The following CDH9 variants were observed in gnomAD, a reference collection of about 807,000 sequenced individuals.
CDH9 encodes the protein cadherin 9.
In CDH9, 28 loss-of-function variants were observed where a neutral mutation model predicts 70.9. The ratio of observed to expected loss-of-function variants is 0.40; its 90% confidence interval spans 0.29 to 0.54. The LOEUF (loss-of-function observed/expected upper bound fraction) is 0.54. Ranked by LOEUF, CDH9 falls within the 20% of genes least tolerant of loss-of-function variation. The pLI, the probability that CDH9 is intolerant of heterozygous loss-of-function variation, is 0.59. For synonymous variants in CDH9, 409 were observed against 343.1 expected, an observed-to-expected ratio of 1.19 and a Z score of -2.12; for missense variants, 874 against 984.4, an observed-to-expected ratio of 0.89 and a Z score of 1.50.
intron 2 of CDH9, among the ~76,000 whole-genome samples, chr5:26,930,253 G>C (rs1741418893): frequency 6.6e-6 from 1 of 151,826 alleles, no homozygotes; most frequent in African/African-American, 2.4e-5. Flanking sequence ...TTGGATGTTG[G>C]TTTCATCTTT....
chr5:26,905,890 G>A, intron 5 of CDH9, 69 bp downstream of exon 5: 2 of 1,148,806 alleles, frequency 1.7e-6, no homozygotes, highest in South Asian at 2.6e-5. Context: ...TATGAAATGT[G>A]AATATTAAAC....
chr5:27,006,573 T>A (rs145654255), intron 1 of CDH9, among the ~76,000 whole-genome samples: 1 of 152,254 alleles, frequency 6.6e-6, no homozygotes, highest in African/African-American at 2.4e-5. Flanking sequence ...CGGTGTTTCT[T>A]CAGGGCCAGG....
intron 2 of CDH9, among the ~76,000 whole-genome samples, chr5:26,950,381 A>T (rs1042198946): frequency 5.3e-5 from 8 of 152,208 alleles, no homozygotes; most frequent in South Asian, 2.1e-4. Context: ...GCATTTGATA[A>T]TTCATTTATA....
chr5:27,022,015 T>A (rs1166332482), intron 1 of CDH9, among the ~76,000 whole-genome samples: 2 of 151,908 alleles, frequency 1.3e-5, no homozygotes, highest in Non-Finnish European at 2.9e-5. Flanking sequence ...AAACAGAGGG[T>A]GTTGCTCTTT....
chr5:27,017,539 A>G (rs1320179136), intron 1 of CDH9, among the ~76,000 whole-genome samples: 1 of 152,022 alleles, frequency 6.6e-6, no homozygotes, highest in Non-Finnish European at 1.5e-5. Context: ...GCCTGTTCAC[A>G]GCATATCTCT....
intron 1 of CDH9, among the ~76,000 whole-genome samples, chr5:26,990,767 C>G (rs1387468847): frequency 6.6e-6 from 1 of 152,110 alleles, no homozygotes; most frequent in Non-Finnish European, 1.5e-5. Flanking sequence ...CCTTAGTTGA[C>G]CACACTGGTT....
At chr5:26,886,360 A>C (rs1319254272) in intron 9 of CDH9, among the ~76,000 whole-genome samples, 2 of 152,124 alleles carry the variant, frequency 1.3e-5, no homozygotes, top group Non-Finnish European at 2.9e-5. Flanking sequence ...GCTTAAAGAA[A>C]AATTCAATCC....
At chr5:26,949,596 A>G (rs917209070) in intron 2 of CDH9, among the ~76,000 whole-genome samples, 1 of 152,198 alleles carries the variant, frequency 6.6e-6, no homozygotes. Flanking sequence ...ACTCATGTTC[A>G]TCATGCCACA....
chr5:26,924,536 A>G (rs1741302159), intron 2 of CDH9, among the ~76,000 whole-genome samples: 1 of 148,808 alleles, frequency 6.7e-6, no homozygotes, highest in Admixed American at 6.7e-5. Context: ...TATATTATAT[A>G]TATAAAATAA....
chr5:26,910,691 T>C lies in CDH9; in HGVS notation c.524-3853A>G, dbSNP rs1012421883. On this transcript the variant is annotated intron_variant, in intron 3 of 11. Transcript: ENST00000231021. ...GCCCTGTAGCCTAAGGCCTGTCTTT[T>C]GAGCACTGTAGAAAAGAGACTGGAA... 2.0e-5 allele frequency among the ~76,000 whole-genome samples: 3 copies of C among 152,346 alleles called. No homozygotes were observed. The East Asian group carries it at 5.8e-4, about 29-fold the overall frequency.
At chr5:27,016,485 ACATTT>A (rs1362597171) in intron 1 of CDH9, among the ~76,000 whole-genome samples, 3 of 151,870 alleles carry the variant, frequency 2.0e-5, no homozygotes, top group African/African-American at 4.8e-5. Flanking sequence ...CATGTGCTAT[ACATTT>A]CATAAGAATG....
intron 1 of CDH9, among the ~76,000 whole-genome samples, chr5:27,004,308 C>T (rs1167727804): frequency 2.0e-5 from 3 of 151,922 alleles, no homozygotes; most frequent in Non-Finnish European, 2.9e-5. Context: ...ACAGAAGGAA[C>T]AAAAGTGCCC....
intron 1 of CDH9, among the ~76,000 whole-genome samples, chr5:27,000,681 T>C (rs1037605483): frequency 6.6e-6 from 1 of 152,144 alleles, no homozygotes; most frequent in African/African-American, 2.4e-5. Context: ...GAATCTTTAT[T>C]CTTAATCTCC....
chr5:26,932,770 A>C (rs1193400010), intron 2 of CDH9, among the ~76,000 whole-genome samples: 2 of 151,818 alleles, frequency 1.3e-5, no homozygotes, highest in African/African-American at 4.8e-5. Flanking sequence ...TATTGGATTC[A>C]TATCCATCAT....
At chr5:26,989,155 T>C (rs1370502520) in intron 1 of CDH9, among the ~76,000 whole-genome samples, 1 of 152,092 alleles carries the variant, frequency 6.6e-6, no homozygotes, top group Non-Finnish European at 1.5e-5. Flanking sequence ...ATGTTACGTA[T>C]AGGATAATCT....
intron 7 of CDH9, among the ~76,000 whole-genome samples, chr5:26,897,537 C>T (rs1369750325): frequency 6.6e-6 from 1 of 152,036 alleles, no homozygotes; most frequent in African/African-American, 2.4e-5. Flanking sequence ...ATAAAGTAAG[C>T]CATCATATAA....
At chr5:27,017,109 T>C (rs1743059458) in intron 1 of CDH9, among the ~76,000 whole-genome samples, 1 of 151,892 alleles carries the variant, frequency 6.6e-6, no homozygotes, top group Non-Finnish European at 1.5e-5. Context: ...GTTGTTGCTG[T>C]TTGTCATATA....
chr5:26,957,491 G>T (rs1741966433), intron 2 of CDH9, among the ~76,000 whole-genome samples: 1 of 151,938 alleles, frequency 6.6e-6, no homozygotes, highest in Admixed American at 6.6e-5. Flanking sequence ...GTGAAACCCT[G>T]TCTCTACTAA....
chr5:26,961,247 A>AT (rs961215887), intron 2 of CDH9, among the ~76,000 whole-genome samples: 2 of 152,104 alleles, frequency 1.3e-5, no homozygotes, highest in South Asian at 2.1e-4. Context: ...CATACTTACC[A>AT]TTTTTTGTGA....
Sources: allele counts gnomAD v4.1 joint callset (sites outside exome capture counted in the v4.1 genomes callset), GRCh38; gene constraint gnomAD v4.1.1; transcripts MANE v1.5; gene names NCBI Gene and HGNC (gene_info 2026-07-23, HGNC 2026-07-21).